MYH14: variants seen among roughly 807,000 people sequenced by gnomAD.
MYH14 encodes myosin heavy chain 14.
Under a neutral mutation model 255.5 loss-of-function variants are expected in MYH14, and 123 were observed. The ratio of observed to expected loss-of-function variants is 0.48; its 90% CI spans 0.42 to 0.56. The LOEUF is 0.56. Ranked by LOEUF, MYH14 falls within the 20% of genes least tolerant of loss-of-function variation. The probability of loss-of-function intolerance (pLI) is 0.00; values close to 1 mark genes in which losing one functional copy is unlikely to be tolerated. For missense variants in MYH14, 2,423 were observed against 2,802.3 expected, an observed-to-expected ratio of 0.86 and a Z score of 3.06; for synonymous variants, 1,095 against 1,161.2, an observed-to-expected ratio of 0.94 and a Z score of 1.16.
intron 41 of MYH14, 80 bp from the exon 42 acceptor site, chr19:50,308,925 G>A: frequency 1.5e-6 from 2 of 1,360,000 alleles, no homozygotes; most frequent in Non-Finnish European, 2.0e-6. Flanking sequence ...AGTAGGGATG[G>A]GGCAGTAGTG....
chr19:50,224,576 A>G (rs576768638), intron 6 of MYH14, among the ~76,000 whole-genome samples: 58 of 152,256 alleles, frequency 3.8e-4, no homozygotes, highest in African/African-American at 1.3e-3. Context: ...TAGCTAGATC[A>G]TTTCATCTTA....
At chr19:50,254,580 A>C (rs1234981869) in intron 16 of MYH14, among the ~76,000 whole-genome samples, 3 of 152,184 alleles carry the variant, frequency 2.0e-5, no homozygotes, top group Admixed American at 2.0e-4. Flanking sequence ...GGAAGCTGCA[A>C]AACCTCCTGG....
At chr19:50,292,433 G>A (rs758871009) in intron 37 of MYH14, 44 bp downstream of exon 37, 1 of 1,518,818 alleles carries the variant, frequency 6.6e-7, no homozygotes, top group Admixed American at 2.2e-5. Context: ...AAGCTGGGAG[G>A]TGGGCAAGGC....
intron 22 of MYH14, among the ~76,000 whole-genome samples, chr19:50,265,309 C>G (rs1246119800): frequency 7.0e-6 from 1 of 143,098 alleles, no homozygotes; most frequent in Non-Finnish European, 1.5e-5. Flanking sequence ...CCCAAGAGTT[C>G]AAGACCAGCC....
chr19:50,282,756 G>A (rs1183594096), intron 33 of MYH14, among the ~76,000 whole-genome samples: 1 of 152,058 alleles, frequency 6.6e-6, no homozygotes, highest in Admixed American at 6.6e-5. Context: ...TTTCCCTGTA[G>A]GTGGTGCAGT....
In MYH14 at chr19:50,228,335, T is replaced by G. The variant is rs2033209418; in HGVS notation, c.874+1369T>G. Among the ~76,000 whole-genome samples, 3 of 152,138 alleles carry G rather than the reference T, an allele frequency of 2.0e-5. No individual in the cohort carries two copies. The South Asian group carries it at 6.2e-4, about 32-fold the overall frequency. ...GCAATATCTGTATCAATGCTAATAT[T>G]ATTGACTAATATTGATTGATAATTA... On this transcript the variant is annotated intron_variant, in intron 8 of 42. Coordinates refer to ENST00000642316, the MANE Select transcript of MYH14 (RefSeq NM_001145809.2).
intron 26 of MYH14, 105 bp downstream of exon 26, chr19:50,272,077 A>G (rs564363562): frequency 1.0e-5 from 15 of 1,472,884 alleles, no homozygotes; most frequent in Non-Finnish European, 1.4e-5. Flanking sequence ...GCTAAATGGG[A>G]TAGGAAGGAA....
At chr19:50,243,858 C>T (rs1016551289) in intron 10 of MYH14, among the ~76,000 whole-genome samples, 6 of 152,120 alleles carry the variant, frequency 3.9e-5, no homozygotes, top group East Asian at 3.8e-4. Flanking sequence ...AAATACACAA[C>T]GTAAGCAGAC....
At chr19:50,303,677 C>CT (rs2036566849) in intron 40 of MYH14, among the ~76,000 whole-genome samples, 1 of 152,088 alleles carries the variant, frequency 6.6e-6, no homozygotes, top group African/African-American at 2.4e-5. Flanking sequence ...GATAAGAAGT[C>CT]TAGAGCTAGG....
intron 10 of MYH14, among the ~76,000 whole-genome samples, chr19:50,239,017 A>C (rs78242976): frequency 2.6e-5 from 4 of 151,882 alleles, no homozygotes; most frequent in South Asian, 2.1e-4. Flanking sequence ...AAAAAAAAAC[A>C]AAAAAAATTC....
chr19:50,225,803 T>TTG (rs2033065333), intron 7 of MYH14, 126 bp downstream of exon 7: 1 of 546,464 alleles, frequency 1.8e-6, no homozygotes, highest in Non-Finnish European at 3.1e-6. Flanking sequence ...TCTGGACTCT[T>TTG]GAGTCTGAGG....
At position 50,272,522 on chromosome 19, in the gene MYH14, C is replaced by T. The variant is rs185941964; in HGVS notation, c.3296-38C>T. ...TGTGAGAGCGGCTGAGTGTGCAGGC[C>T]TGGAGTCCTCATGCACGGCCCCCAC... On this transcript the variant is annotated intron_variant, in intron 26 of 42. Coordinates refer to ENST00000642316, the MANE Select transcript of MYH14 (RefSeq NM_001145809.2). The T allele has an allele frequency of 0.013, 20,001 of 1,551,064 alleles. 161 individuals carry two copies. The highest frequency in any genetic ancestry group is 0.015 in the Non-Finnish European group (16,921 of 1,146,726).
At chr19:50,224,978 T>A in intron 6 of MYH14, 1 of 388,292 alleles carries the variant, frequency 2.6e-6, no homozygotes, top group Non-Finnish European at 5.1e-6. Flanking sequence ...TGGTGGTGCT[T>A]GCCTGTAGTC....
In MYH14 at chr19:50,272,737, G is replaced by T. The variant is rs1169221601; in HGVS notation, c.3467+6G>T. The stretch of plus-strand genomic sequence containing the variant: ...CTGCAGGCTGCCCTGGCCAGGTGCA[G>T]GGTGGGGTGGGCTTGGTGGGGTAAG... On this transcript the variant is annotated splice_donor_region_variant and intron_variant, in intron 27 of 42. Coordinates refer to ENST00000642316, the MANE Select transcript of MYH14 (RefSeq NM_001145809.2). 6.5e-7 allele frequency: 1 copy of T among 1,549,630 alleles called. No individual in the cohort carries two copies. The highest frequency in any genetic ancestry group is 8.7e-7 in the Non-Finnish European group (1 of 1,146,952).
At chr19:50,261,973 C>T (rs1203964883) in intron 21 of MYH14, among the ~76,000 whole-genome samples, 1 of 152,186 alleles carries the variant, frequency 6.6e-6, no homozygotes, top group Non-Finnish European at 1.5e-5. Context: ...AAGCTGTCCG[C>T]TCTCCCTGGC....
intron 24 of MYH14, among the ~76,000 whole-genome samples, chr19:50,269,711 G>A (rs930640185): frequency 6.6e-5 from 10 of 152,140 alleles, no homozygotes; most frequent in East Asian, 3.9e-4. Flanking sequence ...CCTGGGTGCC[G>A]TGGGAAAATG....
At chr19:50,234,529 G>T (rs2033566960) in intron 10 of MYH14, among the ~76,000 whole-genome samples, 1 of 152,168 alleles carries the variant, frequency 6.6e-6, no homozygotes, top group Admixed American at 6.5e-5. Flanking sequence ...AAACAGCCGG[G>T]CCTCTTGTGG....
At chr19:50,224,737 C>G in intron 6 of MYH14, 1 of 453,718 alleles carries the variant, frequency 2.2e-6, no homozygotes, top group Non-Finnish European at 4.4e-6. Flanking sequence ...TAGGAACCCA[C>G]TATTTTTTGA....
At position 50,226,894 on chromosome 19, in the gene MYH14, C is replaced by G; in HGVS notation, c.811-9C>G. 1 of 1,613,682 alleles carries G rather than the reference C, an allele frequency of 6.2e-7. No individual in the cohort carries two copies. The highest frequency in any genetic ancestry group is 1.1e-5 in the South Asian group (1 of 91,078). ...TCTGCTGAAGCCCACCCACTTTGGT[C>G]TCTCCCAGGGCAAATTCATCCGCAT... is the stretch of plus-strand genomic sequence containing the variant. On this transcript the variant is annotated splice_polypyrimidine_tract_variant and intron_variant, in intron 7 of 42. Coordinates refer to ENST00000642316, the MANE Select transcript of MYH14 (RefSeq NM_001145809.2).
Sources: allele counts gnomAD v4.1 joint callset (sites outside exome capture counted in the v4.1 genomes callset), GRCh38; gene constraint gnomAD v4.1.1; transcripts MANE v1.5; gene names NCBI Gene and HGNC (gene_info 2026-07-23, HGNC 2026-07-21).